The following UPF2 variants were observed in gnomAD, a reference collection of about 807,000 sequenced individuals.
UPF2 encodes the protein UPF2 regulator of nonsense mediated mRNA decay, also known as regulator of nonsense transcripts 2.
In UPF2, 17 loss-of-function variants were observed where a neutral mutation model predicts 141.4. The observed-to-expected ratio is 0.12, with a 90% CI of 0.08 to 0.18. The LOEUF is 0.18. UPF2 is among the 10% of genes least tolerant of loss of function. UPF2 has a pLI of 1.00. For synonymous variants in UPF2, 540 were observed against 498.0 expected, an observed-to-expected ratio of 1.08 and a Z score of -1.12; for missense variants, 1,152 against 1,515.9, an observed-to-expected ratio of 0.76 and a Z score of 3.99.
At chr10:11,941,594 C>T (rs1342598710) in intron 18 of UPF2, among the ~76,000 whole-genome samples, 1 of 152,056 alleles carries the variant, frequency 6.6e-6, no homozygotes, top group Admixed American at 6.6e-5. Context: ...TTTAACTCTA[C>T]GACCTTCTCT....
Position 11,992,532 on chromosome 10 carries a change from A to T in UPF2, c.1844+5140T>A, listed in dbSNP as rs570064220. 2.0e-5 allele frequency among the ~76,000 whole-genome samples: 3 copies of T among 152,272 alleles called. No individual in the cohort carries two copies. The South Asian group carries it at 6.2e-4, about 32-fold the overall frequency. On this transcript the variant is annotated intron_variant, in intron 8 of 21. Transcript: ENST00000357604. This position sits in a 1 kb window ranked among gnomAD's most constrained non-coding sequence, Gnocchi z 4.1. ...AAACTTACAATCATAAAGTAATAAA[A>T]TAATAATGCAAACCTTCCTAAAACC...
At chr10:11,972,934 T>C (rs897901237) in intron 9 of UPF2, among the ~76,000 whole-genome samples, 6 of 152,224 alleles carry the variant, frequency 3.9e-5, no homozygotes, top group African/African-American at 1.4e-4. Context: ...GTATTTCCAG[T>C]TCTAGATCCT....
In UPF2 at chr10:11,941,747, G is replaced by A. The variant is rs545031811; in HGVS notation, c.3378+918C>T. On this transcript the variant is annotated intron_variant, in intron 18 of 21. Coordinates refer to ENST00000357604, the MANE Select transcript of UPF2 (RefSeq NM_015542.4). ...TCCTGCCATTCGAACAAACCCACTC[G>A]TCACGTCACCAAAGGGTTAACAACA... Among the ~76,000 whole-genome samples, 15 of 152,172 alleles carry A rather than the reference G, an allele frequency of 9.9e-5. No individual in the cohort carries two copies. The South Asian group carries it at 2.9e-3, about 29-fold the overall frequency.
chr10:11,936,384 AC>A lies in UPF2; in HGVS notation c.3546+160del, dbSNP rs1832850531. Among the ~76,000 whole-genome samples, 4 of 151,876 alleles carry A rather than the reference AC, an allele frequency of 2.6e-5. No individual in the cohort carries two copies. Among genetic ancestry groups the A allele is most frequent in the African/African-American group, 7.3e-5 (3 of 41,284 alleles). The stretch of plus-strand genomic sequence containing the variant: ...CGTCTCAAAAAAAACAAAAACAAAA[AC>A]AAAAACAAAAACAAAAAAAACTATA... On this transcript the variant is annotated intron_variant, in intron 19 of 21. Transcript: ENST00000357604. The surrounding 1 kb of genome is among the most constrained non-coding windows in gnomAD (Gnocchi z 6.6).
intron 4 of UPF2, among the ~76,000 whole-genome samples, chr10:12,005,958 T>C (rs1279445695): frequency 6.6e-6 from 1 of 152,040 alleles, no homozygotes; most frequent in Non-Finnish European, 1.5e-5. Context: ...TAGCTTACTG[T>C]AGCCTCGAAA....
Position 11,926,525 on chromosome 10 carries a change from G to A in UPF2, c.3809+3340C>T, listed in dbSNP as rs572941444. Among the ~76,000 whole-genome samples the A allele has an allele frequency of 3.9e-5, 6 of 152,316 alleles. No homozygotes were observed. The South Asian group carries it at 8.3e-4, about 21-fold the overall frequency. Reference sequence around the variant, plus strand: ...GTCAGCAGCAGGAGCCACAGTGATCGCGGGAAGGGAAAACCCAGAAGCCAG... The same window carrying A: ...GTCAGCAGCAGGAGCCACAGTGATCACGGGAAGGGAAAACCCAGAAGCCAG... On this transcript the variant is annotated intron_variant, in intron 21 of 21. Transcript: ENST00000357604.
chr10:11,989,829 G>A (rs1398199284), intron 8 of UPF2, among the ~76,000 whole-genome samples: 1 of 152,100 alleles, frequency 6.6e-6, no homozygotes, highest in Non-Finnish European at 1.5e-5. Context: ...TGCTAGTGAC[G>A]TAGATGAAAG....
intron 21 of UPF2, among the ~76,000 whole-genome samples, chr10:11,922,413 C>A (rs1290859231): frequency 2.0e-5 from 3 of 152,118 alleles, no homozygotes; most frequent in Non-Finnish European, 4.4e-5. Flanking sequence ...GTAACTCTTC[C>A]AGAAATGAAC....
At chr10:11,922,454 G>T (rs904372465) in intron 21 of UPF2, among the ~76,000 whole-genome samples, 2 of 152,204 alleles carry the variant, frequency 1.3e-5, no homozygotes, top group Admixed American at 6.5e-5. Context: ...TTCCCTGAGG[G>T]AATGAAAGAG....
At chr10:11,938,860 T>TGTTTTTTTG (rs1564337810) in intron 18 of UPF2, among the ~76,000 whole-genome samples, 2 of 71,358 alleles carry the variant, frequency 2.8e-5, no homozygotes, top group African/African-American at 1.2e-4. Flanking sequence ...TTTGTTTTTT[T>TGTTTTTTTG]TTTTTTTTTT....
intron 21 of UPF2, among the ~76,000 whole-genome samples, chr10:11,924,967 C>T (rs896833688): frequency 1.3e-5 from 2 of 152,006 alleles, no homozygotes; most frequent in African/African-American, 2.4e-5. Context: ...TATAGGTGCC[C>T]GCCACCATGA....
In UPF2 at chr10:12,035,187, C is replaced by T; in HGVS notation, c.237G>A (p.Lys79=). The change falls in exon 2 of 22, where the codon AAG becomes AAA. Residue 79 remains lysine (K), a synonymous_variant. Transcript: ENST00000357604. The part of the protein sequence containing the change: ...DKERKKKDEE[K]VKAEEESKKK... ...TCTTTGATTCTTCCTCTGCCTTCAC[C>T]TTTTCTTCGTCTTTTTTCTTGCGTT... 2.5e-6 allele frequency: 4 copies of T among 1,613,260 alleles called. No individual in the cohort carries two copies. The highest frequency in any genetic ancestry group is 3.4e-6 in the Non-Finnish European group (4 of 1,179,908).
intron 4 of UPF2, among the ~76,000 whole-genome samples, chr10:12,008,427 G>A (rs1399332036): frequency 6.6e-6 from 1 of 151,780 alleles, no homozygotes; most frequent in Non-Finnish European, 1.5e-5. Flanking sequence ...TCAGGAGATT[G>A]AGACCATCCT....
At chr10:11,981,607 G>C (rs1290606167) in intron 8 of UPF2, among the ~76,000 whole-genome samples, 1 of 152,184 alleles carries the variant, frequency 6.6e-6, no homozygotes, top group Non-Finnish European at 1.5e-5. Context: ...CTAAGCTGCT[G>C]TCACATGGAA....
chr10:12,034,529 G>C (rs1002582609), intron 2 of UPF2, among the ~76,000 whole-genome samples: 2 of 145,620 alleles, frequency 1.4e-5, no homozygotes, highest in Non-Finnish European at 3.0e-5. Context: ...AAACAGCCAG[G>C]TGCGGTGGCT....
In UPF2 at chr10:11,956,825, T is replaced by C. The variant is rs1833159036; in HGVS notation, c.2371-302A>G. ...ATCCAATCAGGAGTTTGGAGTAGGTTTCTTTTTCCCCCCCAGACACAGTCT... is the reference window on the plus strand; with the variant it reads ...ATCCAATCAGGAGTTTGGAGTAGGTCTCTTTTTCCCCCCCAGACACAGTCT... On this transcript the variant is annotated intron_variant, in intron 12 of 21. Coordinates refer to ENST00000357604, the MANE Select transcript of UPF2 (RefSeq NM_015542.4). The surrounding 1 kb of genome is among the most constrained non-coding windows in gnomAD (Gnocchi z 4.2). 6.6e-6 allele frequency among the ~76,000 whole-genome samples: 1 copy of C among 152,020 alleles called. No homozygotes were observed. Among genetic ancestry groups the C allele is most frequent in the African/African-American group, 2.4e-5 (1 of 41,372 alleles).
At chr10:12,030,113 G>A (rs1834492249) in intron 2 of UPF2, among the ~76,000 whole-genome samples, 2 of 152,016 alleles carry the variant, frequency 1.3e-5, no homozygotes, top group African/African-American at 2.4e-5. Flanking sequence ...AAATCATTCT[G>A]CCAACTGGCA....
intron 10 of UPF2, among the ~76,000 whole-genome samples, chr10:11,966,069 T>C (rs1469312727): frequency 6.6e-6 from 1 of 152,254 alleles, no homozygotes; most frequent in Admixed American, 6.5e-5. Flanking sequence ...AAACATAATC[T>C]GAGTAATTTC....
chr10:11,947,047 C>G (rs1418139572), intron 16 of UPF2, among the ~76,000 whole-genome samples: 1 of 152,162 alleles, frequency 6.6e-6, no homozygotes, highest in African/African-American at 2.4e-5. Context: ...ACTAAAAATA[C>G]AAAAATTAGC....
Sources: gnomAD v4.1 joint callset for allele counts (sites outside exome capture counted in the v4.1 genomes callset) on GRCh38, gnomAD v4.1.1 for gene constraint, Gnocchi (gnomAD v3.1) non-coding constraint, MANE v1.5 for transcripts, NCBI Gene and HGNC (gene_info 2026-07-23, HGNC 2026-07-21) for gene names.